ERVK3-1: variants seen among roughly 807,000 people sequenced by gnomAD.
The protein encoded by ERVK3-1 is HERV-K(HML6-1).
chr19:58,308,201 T>G (rs1388696995), intron 2 of ERVK3-1, among the ~76,000 whole-genome samples: 1 of 152,182 alleles, frequency 6.6e-6, no homozygotes, highest in African/African-American at 2.4e-5. Context: ...AATTTGGGAG[T>G]ACAACTACAC....
rs2051552586 is a variant in ERVK3-1 at position 58,310,869 on chromosome 19, G to C, written c.-3-1297G>C. On this transcript the variant is annotated intron_variant, in intron 2 of 3. Coordinates refer to ENST00000413518, the Ensembl canonical transcript of ERVK3-1. This position sits in a 1 kb window ranked among gnomAD's most constrained non-coding sequence, Gnocchi z 4.7. Reference sequence around the variant, plus strand: ...CCCGGTCTGCTAAGTAGCGGGTGTTGTTCCTTGACACTTTTCGCTACCGCT... The same window carrying C: ...CCCGGTCTGCTAAGTAGCGGGTGTTCTTCCTTGACACTTTTCGCTACCGCT... 2.5e-6 allele frequency: 1 copy of C among 404,696 alleles called. No individual in the cohort carries two copies. Among genetic ancestry groups the C allele is most frequent in the African/African-American group, 2.1e-5 (1 of 48,324 alleles). The allele number at this position is 404,696 out of a possible 1,614,324, so 25.1% of individuals were successfully genotyped here.
intron 2 of ERVK3-1, among the ~76,000 whole-genome samples, chr19:58,307,337 T>C (rs1485664179): frequency 6.6e-6 from 1 of 152,220 alleles, no homozygotes; most frequent in South Asian, 2.1e-4. Flanking sequence ...CTTTTGAAAA[T>C]GCAAATGCAG....
intron 2 of ERVK3-1, among the ~76,000 whole-genome samples, chr19:58,307,760 G>GGGGCCT (rs57354461): frequency 0.083 from 12,686 of 152,158 alleles, 1,738 homozygotes; most frequent in African/African-American, 0.29. Flanking sequence ...AAATGAGAAT[G>GGGGCCT]GGGCCTGGGC....
At chr19:58,314,412 G>A (rs1466953152) in intron 3 of ERVK3-1, among the ~76,000 whole-genome samples, 1 of 151,962 alleles carries the variant, frequency 6.6e-6, no homozygotes, top group Non-Finnish European at 1.5e-5. Flanking sequence ...AGATCACGAG[G>A]TCAGAAGATC....
rs139176521 is a variant in ERVK3-1 at position 58,308,474 on chromosome 19, T to G, written c.-4+2258T>G. 2.8e-3 allele frequency among the ~76,000 whole-genome samples: 434 copies of G among 152,356 alleles called. 2 individuals carry two copies. The highest frequency in any genetic ancestry group is 0.01 in the African/African-American group (417 of 41,576). On this transcript the variant is annotated intron_variant, in intron 2 of 3. Transcript: ENST00000413518. ...TTCAACCTTATGTTGCAAATATACG[T>G]GTTAATCTCTGGGGCTGAGATTTAC...
chr19:58,307,084 A>G (rs1307498204), intron 2 of ERVK3-1, among the ~76,000 whole-genome samples: 1 of 152,272 alleles, frequency 6.6e-6, no homozygotes, highest in Non-Finnish European at 1.5e-5. Context: ...GCTATTGGGT[A>G]GTGACTCTTA....
intron 2 of ERVK3-1, among the ~76,000 whole-genome samples, chr19:58,308,682 G>T (rs920664156): frequency 3.3e-5 from 5 of 152,098 alleles, no homozygotes; most frequent in Admixed American, 6.6e-5. Context: ...TTTCTGATAG[G>T]GGTCATTGAT....
At chr19:58,316,222 C>A (rs1006177031), downstream of ERVK3-1, among the ~76,000 whole-genome samples, 1 of 152,156 alleles carries the variant, frequency 6.6e-6, no homozygotes, top group African/African-American at 2.4e-5. Context: ...ACACCACTAC[C>A]TCCTCATGGT....
chr19:58,313,591 A>C lies in ERVK3-1; in HGVS notation c.294+1129A>C, dbSNP rs763780644. Among the ~76,000 whole-genome samples, 3 of 152,164 alleles carry C rather than the reference A, an allele frequency of 2.0e-5. No individual in the cohort carries two copies. The highest frequency in any genetic ancestry group is 4.4e-5 in the Non-Finnish European group (3 of 68,018). The stretch of plus-strand genomic sequence containing the variant: ...CAGGCGTGAGCCACCATGCCCGGCC[A>C]GTTTGTGTTTTTAATCCCTATGTTT... On this transcript the variant is annotated intron_variant, in intron 3 of 3. Coordinates refer to ENST00000413518, the Ensembl canonical transcript of ERVK3-1. The surrounding 1 kb of genome is among the most constrained non-coding windows in gnomAD (Gnocchi z 4.5).
chr19:58,314,118 A>AT (rs1032514288), intron 3 of ERVK3-1, among the ~76,000 whole-genome samples: 1 of 152,184 alleles, frequency 6.6e-6, no homozygotes. Flanking sequence ...TTGCACTGTC[A>AT]TTTCAATCAT....
exon 4 of ERVK3-1, chr19:58,315,232 C>G (rs919009315): frequency 1.3e-5 from 2 of 153,652 alleles, no homozygotes; most frequent in Non-Finnish European, 2.9e-5. Flanking sequence ...TTTCTGCATT[C>G]GTCGTCCTTC....
chr19:58,315,082 T>C (rs2051582922), exon 4 of ERVK3-1: 1 of 296,652 alleles, frequency 3.4e-6, no homozygotes. Context: ...TTAAATCAAA[T>C]AGCTGACCGA....
At chr19:58,311,246 A>G (rs1343909344) in intron 2 of ERVK3-1, 1 of 152,218 alleles carries the variant, frequency 6.6e-6, no homozygotes, top group East Asian at 1.9e-4. Flanking sequence ...CTTGCCGCCC[A>G]CACAAGAGCA....
Position 58,312,252 on chromosome 19 carries a change from C to T in ERVK3-1, c.84C>T (p.Gly28=). The T allele has an allele frequency of 7.5e-6, 3 of 400,078 alleles. No individual in the cohort carries two copies. The highest frequency in any genetic ancestry group is 1.3e-5 in the Non-Finnish European group (3 of 226,074). 24.8% of individuals were successfully genotyped at this position (400,078 alleles called of 1,614,324 possible). Residue 28 remains glycine (G), a synonymous_variant, in exon 3 of 4, where the codon GGC becomes GGT. Coordinates refer to ENST00000413518, the Ensembl canonical transcript of ERVK3-1. The surrounding 1 kb of genome is among the most constrained non-coding windows in gnomAD (Gnocchi z 4.7). ...GGGATCCATGGTATTCAACCGTGGGCCTGTTACCTCCAGTACGAGCCATGA... is the reference window on the plus strand; with the variant it reads ...GGGATCCATGGTATTCAACCGTGGGTCTGTTACCTCCAGTACGAGCCATGA...
intron 2 of ERVK3-1, among the ~76,000 whole-genome samples, chr19:58,308,507 A>C (rs1343727203): frequency 6.6e-6 from 1 of 152,194 alleles, no homozygotes; most frequent in Non-Finnish European, 1.5e-5. Context: ...TACTTACAGC[A>C]TGGGATGTGA....
chr19:58,307,147 G>A (rs928223069), intron 2 of ERVK3-1, among the ~76,000 whole-genome samples: 14 of 152,216 alleles, frequency 9.2e-5, no homozygotes, highest in East Asian at 1.9e-4. Flanking sequence ...CCATCAGTGC[G>A]CCTGGCCGCT....
intron 3 of ERVK3-1, 115 bp from the exon 4 acceptor site, chr19:58,314,626 CAAAAAAA>C (rs58275693): frequency 0.034 from 2,030 of 59,006 alleles, 35 homozygotes; most frequent in African/African-American, 0.11. Context: ...GACTCCATCT[CAAAAAAA>C]AAAAAAAAAA....
chr19:58,315,749 G>C (rs968404404), downstream of ERVK3-1: 3 of 152,192 alleles, frequency 2.0e-5, no homozygotes, highest in African/African-American at 7.2e-5. Context: ...GGGTGTATCT[G>C]TTTGTCCGAG....
intron 2 of ERVK3-1, among the ~76,000 whole-genome samples, chr19:58,307,783 GA>G (rs2051533868): frequency 6.6e-6 from 1 of 152,054 alleles, no homozygotes; most frequent in Admixed American, 6.5e-5. Flanking sequence ...CTCAAACAAT[GA>G]GGGCATTCCC....
Sources: allele counts gnomAD v4.1 joint callset (sites outside exome capture counted in the v4.1 genomes callset), GRCh38; gene constraint gnomAD v4.1.1; non-coding constraint Gnocchi (gnomAD v3.1); transcripts MANE v1.5; gene names NCBI Gene and HGNC (gene_info 2026-07-23, HGNC 2026-07-21).